MTHFD1L: variants seen among roughly 807,000 people sequenced by gnomAD.
The protein encoded by MTHFD1L is monofunctional C1-tetrahydrofolate synthase, mitochondrial.
MTHFD1L carries 81 observed loss-of-function variants against 119.5 expected under a neutral mutation model. That is an observed-to-expected ratio of 0.68 (90% CI 0.57 to 0.82). The LOEUF is 0.82. Ranked by LOEUF, MTHFD1L falls within the 40% of genes least tolerant of loss-of-function variation. The probability of loss-of-function intolerance (pLI) is 0.00; values close to 1 mark genes in which losing one functional copy is unlikely to be tolerated. For missense variants in MTHFD1L, 1,125 were observed against 1,253.4 expected (o/e 0.90, Z 1.55); for synonymous variants, 430 against 475.2 (o/e 0.90, Z 1.24).
At chr6:150,866,663 C>T in intron 1 of MTHFD1L, 1 of 1,188,150 alleles carries the variant, frequency 8.4e-7, no homozygotes, top group Non-Finnish European at 1.0e-6. Flanking sequence ...GGACAGCCGC[C>T]GGGGGGAATC....
At chr6:150,970,333 A>G (rs1797850354) in intron 19 of MTHFD1L, among the ~76,000 whole-genome samples, 1 of 152,116 alleles carries the variant, frequency 6.6e-6, no homozygotes, top group Admixed American at 6.5e-5. Flanking sequence ...AGCTGTTAAC[A>G]TTTTCCCACA....
intron 19 of MTHFD1L, among the ~76,000 whole-genome samples, chr6:150,971,227 C>T (rs971392685): frequency 2.6e-5 from 4 of 151,912 alleles, no homozygotes; most frequent in African/African-American, 4.8e-5. Flanking sequence ...GAGTCAGAGT[C>T]GGTCTGTCAC....
chr6:151,020,239 G>C (rs1236927489), intron 24 of MTHFD1L, among the ~76,000 whole-genome samples: 1 of 152,214 alleles, frequency 6.6e-6, no homozygotes, highest in Middle Eastern at 3.2e-3. Context: ...AATAGTGCTA[G>C]AGCCCAGGGC....
At chr6:150,933,939 G>A (rs7769626) in intron 11 of MTHFD1L, among the ~76,000 whole-genome samples, 7 of 151,838 alleles carry the variant, frequency 4.6e-5, no homozygotes, top group African/African-American at 1.7e-4. Context: ...TTTATACTAC[G>A]CCTTCTTAGT....
At chr6:151,040,095 G>C (rs1269679631) in intron 26 of MTHFD1L, among the ~76,000 whole-genome samples, 2 of 152,142 alleles carry the variant, frequency 1.3e-5, no homozygotes, top group African/African-American at 4.8e-5. Flanking sequence ...GGAGGTGAGG[G>C]GTGACGGAGG....
chr6:150,947,562 G>C (rs905300284), intron 15 of MTHFD1L, among the ~76,000 whole-genome samples: 1 of 151,734 alleles, frequency 6.6e-6, no homozygotes, highest in African/African-American at 2.4e-5. Context: ...CAAGACCCCC[G>C]TCTCTACAAA....
intron 27 of MTHFD1L, among the ~76,000 whole-genome samples, chr6:151,097,880 A>G (rs913592685): frequency 6.6e-6 from 1 of 152,164 alleles, no homozygotes; most frequent in Non-Finnish European, 1.5e-5. Flanking sequence ...CCCCATAAGA[A>G]TATAAAATAT....
At chr6:150,907,844 T>TTGAATGCCCAGTGTCCAGAATAGTACC (rs1387304056) in intron 8 of MTHFD1L, among the ~76,000 whole-genome samples, 16 of 152,178 alleles carry the variant, frequency 1.1e-4, no homozygotes, top group African/African-American at 3.4e-4. Flanking sequence ...TTGTTGGTTT[T>TTGAATGCCCAGTGTCCAGAATAGTACC]TGAATGCCCA....
intron 27 of MTHFD1L, among the ~76,000 whole-genome samples, chr6:151,093,617 C>T (rs928729242): frequency 1.3e-5 from 2 of 152,024 alleles, no homozygotes; most frequent in Non-Finnish European, 2.9e-5. Context: ...GATTGCGCCA[C>T]TGCACTCCAG....
intron 12 of MTHFD1L, among the ~76,000 whole-genome samples, chr6:150,937,502 A>G (rs1792305349): frequency 6.6e-6 from 1 of 152,172 alleles, no homozygotes; most frequent in Non-Finnish European, 1.5e-5. Flanking sequence ...AGTGGTGGTT[A>G]TTGCTGCAAT....
intron 18 of MTHFD1L, among the ~76,000 whole-genome samples, chr6:150,964,581 C>CTG (rs1260329783): frequency 2.0e-5 from 3 of 152,166 alleles, no homozygotes; most frequent in Non-Finnish European, 4.4e-5. Flanking sequence ...AGCCTTGTTT[C>CTG]TGTTCTTCAC....
chr6:150,905,036 C>CT (rs36039459), intron 7 of MTHFD1L, among the ~76,000 whole-genome samples: 24,663 of 111,464 alleles, frequency 0.22, 3,538 homozygotes, highest in East Asian at 0.6. Flanking sequence ...TTGTTTTCCT[C>CT]TTTTTTTTTT....
chr6:150,882,070 G>A (rs1781474016), intron 4 of MTHFD1L, among the ~76,000 whole-genome samples: 1 of 152,198 alleles, frequency 6.6e-6, no homozygotes, highest in Admixed American at 6.5e-5. Flanking sequence ...TAGACAGAGA[G>A]GACAAAGCAT....
At chr6:150,956,310 A>G (rs924287103) in intron 17 of MTHFD1L, among the ~76,000 whole-genome samples, 1 of 152,060 alleles carries the variant, frequency 6.6e-6, no homozygotes, top group Non-Finnish European at 1.5e-5. Flanking sequence ...TATGTTTCCA[A>G]TTGTGTTTCC....
intron 26 of MTHFD1L, among the ~76,000 whole-genome samples, chr6:151,063,876 G>GTT (rs5880913): frequency 8.6e-4 from 126 of 146,944 alleles, no homozygotes; most frequent in African/African-American, 2.8e-3. Context: ...TGTGTTTTGG[G>GTT]TTTTTTTTTT....
chr6:151,015,597 C>T lies in MTHFD1L; in HGVS notation c.2490C>T (p.His830=). 6.2e-7 allele frequency: 1 copy of T among 1,614,156 alleles called. No individual in the cohort carries two copies. The highest frequency in any genetic ancestry group is 1.1e-5 in the South Asian group (1 of 91,076). ...AGAFDAVPCY[H]WSVGGKGSVD... ...CCTTTGATGCAGTCCCCTGCTATCACTGGTCCGTTGGTGGAAAAGGATCGG... is the reference window on the plus strand; with the variant it reads ...CCTTTGATGCAGTCCCCTGCTATCATTGGTCCGTTGGTGGAAAAGGATCGG... Residue 830 remains histidine, a synonymous_variant, in exon 24 of 28, where the codon CAC becomes CAT. Transcript: ENST00000367321.
At chr6:151,030,748 G>A (rs1220327743) in intron 24 of MTHFD1L, among the ~76,000 whole-genome samples, 1 of 152,186 alleles carries the variant, frequency 6.6e-6, no homozygotes, top group Admixed American at 6.5e-5. Context: ...AATATTCATT[G>A]GTTCAACTGT....
At chr6:151,076,744 G>A (rs1472571320) in intron 26 of MTHFD1L, among the ~76,000 whole-genome samples, 1 of 151,500 alleles carries the variant, frequency 6.6e-6, no homozygotes, top group Admixed American at 6.6e-5. Context: ...ATATATAACA[G>A]TACCACCCCC....
At chr6:150,993,332 GT>G (rs1421881776) in intron 20 of MTHFD1L, among the ~76,000 whole-genome samples, 2 of 151,436 alleles carry the variant, frequency 1.3e-5, no homozygotes, top group East Asian at 3.9e-4. Flanking sequence ...ATTTGGGTGG[GT>G]TTTTTTTTGG....
Sources: allele counts gnomAD v4.1 joint callset (sites outside exome capture counted in the v4.1 genomes callset), GRCh38; gene constraint gnomAD v4.1.1; transcripts MANE v1.5; gene names NCBI Gene and HGNC (gene_info 2026-07-23, HGNC 2026-07-21).